Variants in OSBP observed in about 807,000 individuals in gnomAD.
OSBP encodes the protein oxysterol-binding protein 1.
A neutral mutation model predicts 96.6 loss-of-function variants in OSBP; 32 were observed. The observed-to-expected ratio is 0.33, with a 90% CI of 0.25 to 0.45. The LOEUF (loss-of-function observed/expected upper bound fraction) is 0.45. OSBP is among the 20% of genes least tolerant of loss of function. The pLI is 1.00. For missense variants in OSBP, 653 were observed against 1,029.7 expected (o/e 0.63, Z 5.01); for synonymous variants, 369 against 389.6 (o/e 0.95, Z 0.62).
intron 7 of OSBP, among the ~76,000 whole-genome samples, chr11:59,599,273 C>T (rs1860691907): frequency 6.6e-6 from 1 of 152,162 alleles, no homozygotes; most frequent in East Asian, 1.9e-4. Context: ...TATCATTGTG[C>T]TCCTATAAAA....
chr11:59,595,852 G>A (rs1860644110), intron 7 of OSBP, among the ~76,000 whole-genome samples: 1 of 151,652 alleles, frequency 6.6e-6, no homozygotes, highest in East Asian at 1.9e-4. Flanking sequence ...GCTGAGGTGG[G>A]ATGATGGCTT....
rs1455063424 is a variant in OSBP at position 59,610,384 on chromosome 11, A to C, written c.568T>G (p.Ser190Ala). Residue 190 changes from serine to alanine, a missense_variant, in exon 2 of 14, where the codon TCA (serine) becomes GCA (alanine). Physicochemically the swap from Ser to Ala is moderately conservative, Grantham distance 99. Around this residue, in one of 6 missense-constraint regions of OSBP, gnomAD observed 308 missense variants for 573.1 expected, o/e 0.54. Coordinates refer to ENST00000263847, the MANE Select transcript of OSBP (RefSeq NM_002556.3). ...KAKAVKMLAE[S>A]DESGDEESVS... is the part of the protein sequence containing the mutation. ...GCAGGTGTTCTTTGTTCCTGACCTGACTCTGCCAGCATCTTCACAGCTTTG... is the reference window on the plus strand; with the variant it reads ...GCAGGTGTTCTTTGTTCCTGACCTGCCTCTGCCAGCATCTTCACAGCTTTG... 1 of 1,612,712 alleles carries C rather than the reference A, an allele frequency of 6.2e-7. No individual in the cohort carries two copies. The highest frequency in any genetic ancestry group is 8.5e-7 in the Non-Finnish European group (1 of 1,179,946).
Position 59,578,254 on chromosome 11 carries a change from C to G in OSBP, c.1955G>C (p.Cys652Ser). Reference protein sequence around the residue: ...LLGTWDEKMECFKVQPVIGEN... With the variant: ...LLGTWDEKMESFKVQPVIGEN... ...CCCAATGACTGGCTGTACTTTGAAA[C>G]ATTCCATTTTCTCATCCCACGTCCC... Residue 652 changes from cysteine to serine, a missense_variant, in exon 12 of 14, where the codon TGT becomes TCT. By Grantham distance (112) the Cys-to-Ser change is moderately radical. Coordinates refer to ENST00000263847, the MANE Select transcript of OSBP (RefSeq NM_002556.3). 1 of 1,614,206 alleles carries G rather than the reference C, an allele frequency of 6.2e-7. No individual in the cohort carries two copies. Among genetic ancestry groups the G allele is most frequent in the Non-Finnish European group, 8.5e-7 (1 of 1,180,040 alleles).
Position 59,608,477 on chromosome 11 carries a change from C to T in OSBP, c.822+7G>A. ...CAAAAAGCAACACAGACACCATCTG[C>T]ACTCACGTTGATCATGGCATTGGAT... On this transcript the variant is annotated splice_region_variant and intron_variant, in intron 3 of 13. Transcript: ENST00000263847. The T allele has an allele frequency of 1.2e-6, 2 of 1,614,174 alleles. No homozygotes were observed. The highest frequency in any genetic ancestry group is 1.7e-6 in the Non-Finnish European group (2 of 1,180,000).
At chr11:59,582,983 T>C (rs905843077) in intron 9 of OSBP, among the ~76,000 whole-genome samples, 4 of 152,142 alleles carry the variant, frequency 2.6e-5, no homozygotes, top group African/African-American at 9.7e-5. Flanking sequence ...GGATTCAAAA[T>C]AATCAAACAT....
intron 10 of OSBP, 72 bp downstream of exon 10, chr11:59,581,379 T>C: frequency 1.2e-6 from 1 of 843,062 alleles, no homozygotes; most frequent in Non-Finnish European, 1.9e-6. Flanking sequence ...TCACATGTCC[T>C]AAATACTGCA....
chr11:59,576,944 G>A lies in OSBP; in HGVS notation c.2142C>T (p.Asp714=). Residue 714 remains aspartate (D), a synonymous_variant, in exon 13 of 14, where the codon GAC becomes GAT. Transcript: ENST00000263847. ...NAWESGTAPT[D]SRLRPDQRLM... is the part of the protein sequence containing the mutation. ...GTCTCTGGTCAGGTCGTAACCGGCTGTCTGTGGGGGCAGTGCCACTTTCCC... is the reference window on the plus strand; with the variant it reads ...GTCTCTGGTCAGGTCGTAACCGGCTATCTGTGGGGGCAGTGCCACTTTCCC... 6.2e-7 allele frequency: 1 copy of A among 1,614,212 alleles called. No homozygotes were observed. Among genetic ancestry groups the A allele is most frequent in the Non-Finnish European group, 8.5e-7 (1 of 1,180,038 alleles).
At position 59,576,481 on chromosome 11, in the gene OSBP, G is replaced by A. The variant is rs1186207265; in HGVS notation, c.*96C>T. 8 of 1,359,730 alleles carry A rather than the reference G, an allele frequency of 5.9e-6. No homozygotes were observed. The highest frequency in any genetic ancestry group is 5.8e-5 in the African/African-American group (4 of 68,984). 84.2% of individuals were successfully genotyped at this position (1,359,730 alleles called of 1,614,324 possible). A position where few individuals can be genotyped will look rare whatever the true frequency, so the allele number is the denominator to read the frequency against. ...GATTGGTCAAGAGAGACAAACTTGAGGAAAGCACTTGGTAAGAGAGTCACA... is the reference window on the plus strand; with the variant it reads ...GATTGGTCAAGAGAGACAAACTTGAAGAAAGCACTTGGTAAGAGAGTCACA... On this transcript the variant is annotated 3_prime_UTR_variant, in exon 14 of 14. Transcript: ENST00000263847.
intron 7 of OSBP, among the ~76,000 whole-genome samples, chr11:59,599,235 A>C (rs1860691313): frequency 6.6e-6 from 1 of 152,254 alleles, no homozygotes; most frequent in Admixed American, 6.5e-5. Flanking sequence ...GGATGAAAGC[A>C]GCTGCAGATG....
intron 9 of OSBP, among the ~76,000 whole-genome samples, chr11:59,586,345 CTT>C (rs34965998): frequency 0.027 from 4,082 of 152,080 alleles, 147 homozygotes; most frequent in African/African-American, 0.081. Flanking sequence ...AAAAAGAACA[CTT>C]AGGAATGAAC....
intron 7 of OSBP, among the ~76,000 whole-genome samples, chr11:59,598,125 C>T (rs749412431): frequency 1.9e-4 from 29 of 152,352 alleles, no homozygotes; most frequent in Middle Eastern, 3.4e-3. Context: ...CCCAGCCCAA[C>T]ACTTCTCTAA....
chr11:59,589,993 A>G (rs1860557795), intron 9 of OSBP, among the ~76,000 whole-genome samples: 3 of 152,180 alleles, frequency 2.0e-5, no homozygotes, highest in Admixed American at 2.0e-4. Context: ...AAAAAAAAAA[A>G]AGAAATTCAT....
At chr11:59,581,429 C>T (rs887279310) in intron 10 of OSBP, 22 bp downstream of exon 10, 1 of 1,370,786 alleles carries the variant, frequency 7.3e-7, no homozygotes, top group Non-Finnish European at 1.0e-6. Context: ...ACTTCACACA[C>T]ACTTTGGGTA....
rs761366347 is a variant in OSBP, at chr11:59,601,713, A to G, written c.948T>C (p.Asn316=). 6.2e-7 allele frequency: 1 copy of G among 1,614,020 alleles called. No individual in the cohort carries two copies. ...CTCCTCGGAAGGCCCTCTCCAGGTG[A>G]TTATGCTGCTTCGCCAGCTGCTCGA... ...ETLEQLAKQH[N]HLERAFRGAT... is the part of the protein sequence containing the mutation. The change falls in exon 4 of 14, where the codon AAT becomes AAC. Residue 316 remains asparagine (N), a synonymous_variant. Coordinates refer to ENST00000263847, the MANE Select transcript of OSBP (RefSeq NM_002556.3).
intron 1 of OSBP, among the ~76,000 whole-genome samples, chr11:59,611,869 C>T (rs555530150): frequency 6.6e-6 from 1 of 152,230 alleles, no homozygotes; most frequent in Non-Finnish European, 1.5e-5. Flanking sequence ...GAATACCAAG[C>T]TTCACATAAA....
At chr11:59,585,727 C>G (rs923094269) in intron 9 of OSBP, among the ~76,000 whole-genome samples, 2 of 152,258 alleles carry the variant, frequency 1.3e-5, no homozygotes, top group East Asian at 1.9e-4. Context: ...GAATGGAAAG[C>G]GGGGAAAGGT....
intron 10 of OSBP, among the ~76,000 whole-genome samples, chr11:59,580,810 T>C (rs1022587032): frequency 4.6e-5 from 7 of 152,164 alleles, no homozygotes; most frequent in Non-Finnish European, 8.8e-5. Context: ...TGAGCCAACA[T>C]GCCCAGCCCA....
intron 3 of OSBP, among the ~76,000 whole-genome samples, chr11:59,604,575 G>A (rs1325422729): frequency 4.6e-5 from 7 of 151,954 alleles, no homozygotes; most frequent in Non-Finnish European, 1.0e-4. Flanking sequence ...GGTGATGTGC[G>A]CCTGTAGTCC....
Position 59,615,622 on chromosome 11 carries a change from C to A in OSBP, c.43G>T (p.Ala15Ser). The A allele has an allele frequency of 7.3e-7, 1 of 1,378,510 alleles. No individual in the cohort carries two copies. The highest frequency in any genetic ancestry group is 9.4e-7 in the Non-Finnish European group (1 of 1,064,470). The allele number at this position is 1,378,510 out of a possible 1,614,324, so 85.4% of individuals were successfully genotyped here. A position where few individuals can be genotyped will look rare whatever the true frequency, so the allele number is the denominator to read the frequency against. The stretch of plus-strand genomic sequence containing the variant: ...CCGCCGCCAAGTGCTGCAATGGCTG[C>A]CGGGCCTGGCCCCACCACTCCTCTC... ...ELRGVVGPGP[A>S]AIAALGGGGA... Residue 15 changes from alanine to serine, a missense_variant, in exon 1 of 14, where the codon GCA (alanine) becomes TCA (serine). Physicochemically the swap from Ala to Ser is moderately conservative, Grantham distance 99 (BLOSUM62 1). Coordinates refer to ENST00000263847, the MANE Select transcript of OSBP (RefSeq NM_002556.3).
Sources: allele counts gnomAD v4.1 joint callset (sites outside exome capture counted in the v4.1 genomes callset), GRCh38; gene constraint gnomAD v4.1.1; regional missense constraint gnomAD v4.1.1; transcripts MANE v1.5; gene names NCBI Gene and HGNC (gene_info 2026-07-23, HGNC 2026-07-21).